ZNF385B: variants seen among roughly 807,000 people sequenced by gnomAD.
The protein encoded by ZNF385B is zinc finger protein 385B, also known as zinc finger protein 533.
ZNF385B carries 23 observed loss-of-function variants against 39.2 expected under a neutral mutation model. That is an observed-to-expected ratio of 0.59 (90% CI 0.42 to 0.83). The LOEUF (loss-of-function observed/expected upper bound fraction) is 0.83. Among genes scored for constraint, ZNF385B ranks in the 40% least tolerant of loss-of-function variants. ZNF385B has a pLI of 0.00. For missense variants in ZNF385B, 552 were observed against 598.9 expected (o/e 0.92, Z 0.82); for synonymous variants, 205 against 222.6 (o/e 0.92, Z 0.70).
intron 3 of ZNF385B, among the ~76,000 whole-genome samples, chr2:179,728,781 T>A (rs919311919): frequency 1.2e-4 from 19 of 152,074 alleles, no homozygotes; most frequent in African/African-American, 4.6e-4. Context: ...GTAATAGAAA[T>A]CAATGGGAAA....
At chr2:179,860,294 G>C (rs1403435414) in intron 1 of ZNF385B, among the ~76,000 whole-genome samples, 1 of 152,120 alleles carries the variant, frequency 6.6e-6, no homozygotes, top group Non-Finnish European at 1.5e-5. Context: ...GATACTTCTT[G>C]GCAATTTATT....
Position 179,493,775 on chromosome 2 carries a change from G to GTA in ZNF385B, c.553-10343_553-10342dup, listed in dbSNP as rs769468601. Among the ~76,000 whole-genome samples, 282 of 77,746 alleles carry GTA rather than the reference G, an allele frequency of 3.6e-3. 11 individuals are homozygous for GTA. The highest frequency in any genetic ancestry group is 0.026 in the South Asian group (64 of 2,442). 51.0% of individuals were successfully genotyped at this position (77,746 alleles called of 152,430 possible). A position where few individuals can be genotyped will look rare whatever the true frequency, so the allele number is the denominator to read the frequency against. On this transcript the variant is annotated intron_variant, in intron 5 of 9. Transcript: ENST00000410066. ...TATATACATATATGTATACATATAT[G>GTA]TATATACACATATGTATACATATAT...
chr2:179,635,429 T>C (rs1691668956), intron 3 of ZNF385B, among the ~76,000 whole-genome samples: 1 of 151,804 alleles, frequency 6.6e-6, no homozygotes, highest in Non-Finnish European at 1.5e-5. Flanking sequence ...AAATACCTAA[T>C]GTGAATGATG....
intron 3 of ZNF385B, among the ~76,000 whole-genome samples, chr2:179,688,490 A>AAACAACAACAACAAC (rs75401653): frequency 1.6e-4 from 24 of 149,564 alleles, no homozygotes; most frequent in African/African-American, 5.4e-4. Context: ...TCCCCCTGCA[A>AAACAACAACAACAAC]AACAACAACA....
At chr2:179,542,820 A>C (rs369624527) in intron 4 of ZNF385B, among the ~76,000 whole-genome samples, 13 of 152,228 alleles carry the variant, frequency 8.5e-5, no homozygotes, top group African/African-American at 2.9e-4. Flanking sequence ...GAAGGGGATT[A>C]GAAGGATGGA....
chr2:179,675,984 T>C (rs1435857577), intron 3 of ZNF385B, among the ~76,000 whole-genome samples: 1 of 150,198 alleles, frequency 6.7e-6, no homozygotes, highest in Non-Finnish European at 1.5e-5. Flanking sequence ...AGACGGGGTT[T>C]CACCATGTTG....
intron 3 of ZNF385B, among the ~76,000 whole-genome samples, chr2:179,732,199 T>G (rs1447160291): frequency 6.6e-6 from 1 of 152,204 alleles, no homozygotes; most frequent in Non-Finnish European, 1.5e-5. Context: ...ATTCACAGAA[T>G]TTTAGAATTA....
intron 4 of ZNF385B, among the ~76,000 whole-genome samples, chr2:179,540,496 CAAAA>C (rs35763263): frequency 1.3e-5 from 2 of 151,278 alleles, no homozygotes; most frequent in African/African-American, 4.9e-5. Context: ...ACAACAACAA[CAAAA>C]AAAACCACAG....
intron 3 of ZNF385B, among the ~76,000 whole-genome samples, chr2:179,726,254 T>C (rs116211341): frequency 1.5e-3 from 224 of 152,176 alleles, no homozygotes; most frequent in Non-Finnish European, 2.7e-3. Context: ...AACAAACCAG[T>C]TACCATTATT....
chr2:179,816,900 C>A (rs1033672041), intron 1 of ZNF385B, among the ~76,000 whole-genome samples: 3 of 151,924 alleles, frequency 2.0e-5, no homozygotes, highest in Non-Finnish European at 4.4e-5. Flanking sequence ...ATTTTTTTCC[C>A]TTTTTCTTCA....
At chr2:179,560,690 T>C (rs545219912) in intron 3 of ZNF385B, among the ~76,000 whole-genome samples, 15 of 152,194 alleles carry the variant, frequency 9.9e-5, no homozygotes, top group Non-Finnish European at 1.6e-4. Flanking sequence ...TCTCTCTCTG[T>C]TTCTGTACAT....
At chr2:179,707,711 G>A (rs923729691) in intron 3 of ZNF385B, among the ~76,000 whole-genome samples, 2 of 152,248 alleles carry the variant, frequency 1.3e-5, no homozygotes, top group African/African-American at 4.8e-5. Flanking sequence ...CATAGGCACA[G>A]GGTATGCGCT....
intron 1 of ZNF385B, among the ~76,000 whole-genome samples, chr2:179,795,406 A>G (rs1250803627): frequency 2.6e-5 from 4 of 152,136 alleles, no homozygotes; most frequent in Admixed American, 1.3e-4. Flanking sequence ...GGTAGATGAG[A>G]ATACCCTGTT....
chr2:179,833,082 T>A (rs1462755201), intron 1 of ZNF385B, among the ~76,000 whole-genome samples: 1 of 152,198 alleles, frequency 6.6e-6, no homozygotes, highest in Non-Finnish European at 1.5e-5. Flanking sequence ...AGTGTGTGTA[T>A]GTACATGTAT....
At chr2:179,622,053 C>A (rs1192811334) in intron 3 of ZNF385B, among the ~76,000 whole-genome samples, 2 of 152,154 alleles carry the variant, frequency 1.3e-5, no homozygotes, top group Non-Finnish European at 2.9e-5. Context: ...TTACAAGTTA[C>A]AGCTCCTCAG....
chr2:179,484,908 T>C (rs1360289687), intron 5 of ZNF385B, among the ~76,000 whole-genome samples: 1 of 152,128 alleles, frequency 6.6e-6, no homozygotes, highest in Non-Finnish European at 1.5e-5. Context: ...AGGAAAGTAC[T>C]GACGCTAGAG....
chr2:179,754,385 TA>T (rs1416099505), intron 3 of ZNF385B, among the ~76,000 whole-genome samples: 2 of 152,342 alleles, frequency 1.3e-5, no homozygotes, highest in African/African-American at 4.8e-5. Flanking sequence ...GATATTGGTC[TA>T]AAATTCTCTT....
At chr2:179,515,347 T>G (rs2058016826) in intron 5 of ZNF385B, among the ~76,000 whole-genome samples, 1 of 152,208 alleles carries the variant, frequency 6.6e-6, no homozygotes, top group South Asian at 2.1e-4. Context: ...TTTGCACGAT[T>G]TTTGCAATTT....
At chr2:179,510,010 C>T (rs757108473) in intron 5 of ZNF385B, among the ~76,000 whole-genome samples, 1 of 152,174 alleles carries the variant, frequency 6.6e-6, no homozygotes, top group Non-Finnish European at 1.5e-5. Flanking sequence ...CTACTATTTG[C>T]ATGGGTGAAA....
Sources: allele counts gnomAD v4.1 joint callset (sites outside exome capture counted in the v4.1 genomes callset), GRCh38; gene constraint gnomAD v4.1.1; transcripts MANE v1.5; gene names NCBI Gene and HGNC (gene_info 2026-07-23, HGNC 2026-07-21).